Variants in KANK1 observed in about 807,000 individuals in gnomAD.
KANK1 encodes KN motif and ankyrin repeat domain-containing protein 1.
KANK1 carries 109 observed loss-of-function variants against 106.2 expected under a neutral mutation model. The observed-to-expected ratio is 1.03, with a 90% CI of 0.88 to 1.20. KANK1 has a LOEUF of 1.20. Among genes scored for constraint, KANK1 ranks in the 50% most tolerant of loss-of-function variants. The pLI is 0.00. For synonymous variants in KANK1, 873 were observed against 652.2 expected (o/e 1.34, Z -5.16); for missense variants, 2,399 against 1,710.7 (o/e 1.40, Z -7.10).
At chr9:732,892 G>A (rs10429606) in intron 6 of KANK1, 1 of 273,394 alleles carries the variant, frequency 3.7e-6, no homozygotes, top group Admixed American at 4.8e-5. Context: ...ACTAAAACTT[G>A]CATTGTTTGA....
At chr9:667,962 A>G (rs902623182) in intron 1 of KANK1, among the ~76,000 whole-genome samples, 10 of 152,014 alleles carry the variant, frequency 6.6e-5, no homozygotes, top group African/African-American at 1.9e-4. Context: ...AACTCCTGAC[A>G]TCAGATGATC....
chr9:662,018 G>A (rs1340323598), intron 1 of KANK1, among the ~76,000 whole-genome samples: 2 of 152,122 alleles, frequency 1.3e-5, no homozygotes, highest in South Asian at 2.1e-4. Context: ...GTAGAATCTG[G>A]ATATTAGCCC....
chr9:566,981 A>C (rs1391394902), intron 1 of KANK1, among the ~76,000 whole-genome samples: 1 of 152,068 alleles, frequency 6.6e-6, no homozygotes, highest in African/African-American at 2.4e-5. Context: ...TTTGAGTATT[A>C]CATTTAAGTT....
In KANK1 at chr9:529,689, T is replaced by A. The variant is rs2059973435; in HGVS notation, c.-84+24935T>A. On this transcript the variant is annotated intron_variant, in intron 1 of 11. Coordinates refer to ENST00000382297, the MANE Select transcript of KANK1 (RefSeq NM_015158.5). ...AGAGCAGCATAGTATGATTTTAAAC[T>A]CCATATTTTGTTTAATCAGTTTCCT... 1.3e-5 allele frequency among the ~76,000 whole-genome samples: 2 copies of A among 152,242 alleles called. 1 individual carries two copies. Among genetic ancestry groups the A allele is most frequent in the East Asian group, 3.8e-4 (2 of 5,204 alleles).
intron 7 of KANK1, among the ~76,000 whole-genome samples, chr9:737,633 C>T (rs572796942): frequency 1.2e-4 from 19 of 152,240 alleles, no homozygotes; most frequent in South Asian, 4.2e-4. Context: ...TAGTTCCAGA[C>T]GGGGTTCCCT....
At chr9:643,543 A>ATTTTTTTTTT (rs774468238) in intron 1 of KANK1, among the ~76,000 whole-genome samples, 3 of 102,458 alleles carry the variant, frequency 2.9e-5, no homozygotes, top group Non-Finnish European at 5.8e-5. Flanking sequence ...TTTCTTTTTG[A>ATTTTTTTTTT]TTTTTTTTTT....
chr9:514,041 A>C (rs2059149429), intron 1 of KANK1, among the ~76,000 whole-genome samples: 1 of 151,124 alleles, frequency 6.6e-6, no homozygotes, highest in African/African-American at 2.5e-5. Context: ...ATGAAACATA[A>C]ATACTGTATT....
chr9:613,773 C>T (rs7028415), intron 1 of KANK1, among the ~76,000 whole-genome samples: 99,327 of 151,844 alleles, frequency 0.65, 33,748 homozygotes, highest in South Asian at 0.76. Context: ...TCATGAGCCC[C>T]TTAAGTTTTG....
At chr9:724,807 A>T (rs1285109793) in intron 3 of KANK1, among the ~76,000 whole-genome samples, 2 of 152,068 alleles carry the variant, frequency 1.3e-5, no homozygotes, top group Non-Finnish European at 2.9e-5. Context: ...ATCTCAAAAA[A>T]AACAAGAGTG....
At position 577,762 on chromosome 9, in the gene KANK1, G is replaced by C. The variant is rs78755325; in HGVS notation, c.-84+73008G>C. Among the ~76,000 whole-genome samples, 1,038 of 152,282 alleles carry C rather than the reference G, an allele frequency of 6.8e-3. 38 individuals are homozygous for C. Among genetic ancestry groups the C allele is most frequent in the Admixed American group, 0.047 (712 of 15,294 alleles). ...GGCCCAGGAATTTATGTTTCAACAA[G>C]TCTTGCAGGTGATTTTGATTTATGC... On this transcript the variant is annotated intron_variant, in intron 1 of 11. Coordinates refer to ENST00000382297, the MANE Select transcript of KANK1 (RefSeq NM_015158.5).
chr9:527,588 A>C (rs1049263728), intron 1 of KANK1, among the ~76,000 whole-genome samples: 1 of 151,670 alleles, frequency 6.6e-6, no homozygotes, highest in Admixed American at 6.6e-5. Context: ...GGTGTAAGCC[A>C]CTACACTCGG....
chr9:541,377 C>T (rs1042559806), intron 1 of KANK1, among the ~76,000 whole-genome samples: 9 of 152,080 alleles, frequency 5.9e-5, no homozygotes, highest in Non-Finnish European at 7.4e-5. Flanking sequence ...CATCCACATA[C>T]AGAAAAATTA....
intron 1 of KANK1, among the ~76,000 whole-genome samples, chr9:595,129 G>A (rs1253180217): frequency 2.6e-5 from 4 of 151,806 alleles, no homozygotes; most frequent in East Asian, 1.9e-4. Context: ...AAAATGCAAC[G>A]ATGGCCCGGC....
chr9:565,073 C>A (rs963108341), intron 1 of KANK1, among the ~76,000 whole-genome samples: 2 of 152,196 alleles, frequency 1.3e-5, no homozygotes, highest in African/African-American at 4.8e-5. Flanking sequence ...CAAAGTGTGA[C>A]TTTAGAAACA....
In KANK1 at chr9:558,170, G is replaced by C. The variant is rs114735518; in HGVS notation, c.-84+53416G>C. Among the ~76,000 whole-genome samples, 4 of 152,280 alleles carry C rather than the reference G, an allele frequency of 2.6e-5. No individual in the cohort carries two copies. In the East Asian group the frequency reaches 7.7e-4, roughly 29 times the overall value. ...AAAATTTTGGAAGGGCATTAAGGAGGAGCATAGCAAAGAAGTCTAGACCTA... is the reference window on the plus strand; with the variant it reads ...AAAATTTTGGAAGGGCATTAAGGAGCAGCATAGCAAAGAAGTCTAGACCTA... On this transcript the variant is annotated intron_variant, in intron 1 of 11. Transcript: ENST00000382297.
At chr9:510,885 T>A (rs1353417654) in intron 1 of KANK1, among the ~76,000 whole-genome samples, 1 of 152,148 alleles carries the variant, frequency 6.6e-6, no homozygotes, top group East Asian at 1.9e-4. Flanking sequence ...CAGTGATAAT[T>A]TCTCTAAGAT....
Position 711,451 on chromosome 9 carries a change from G to T in KANK1, c.685G>T (p.Ala229Ser). Residue 229 changes from alanine to serine, a missense_variant, in exon 3 of 12, where the codon GCT becomes TCT. Physicochemically the swap from Ala to Ser is moderately conservative, Grantham distance 99. Coordinates refer to ENST00000382297, the MANE Select transcript of KANK1 (RefSeq NM_015158.5). ...NGDYGSYAPA[A>S]PTTSSMGSSI... ...GGATTATGGTAGCTATGCCCCAGCT[G>T]CTCCCACCACTTCCTCCATGGGGAG... 5 of 1,614,144 alleles carry T rather than the reference G, an allele frequency of 3.1e-6. No individual in the cohort carries two copies. Among genetic ancestry groups the T allele is most frequent in the Non-Finnish European group, 4.2e-6 (5 of 1,180,032 alleles).
In KANK1 at chr9:711,471, G is replaced by A. The variant is rs1378349282; in HGVS notation, c.705G>A (p.Met235Ile). The A allele has an allele frequency of 2.5e-6, 4 of 1,614,012 alleles. No homozygotes were observed. The highest frequency in any genetic ancestry group is 3.4e-6 in the Non-Finnish European group (4 of 1,180,032). Residue 235 changes from methionine (M) to isoleucine (I), a missense_variant, in exon 3 of 12, where the codon ATG becomes ATA. Transcript: ENST00000382297. ...YAPAAPTTSSMGSSIRHSPLS... is the reference protein window; with the variant it reads ...YAPAAPTTSSIGSSIRHSPLS... Reference sequence around the variant, plus strand: ...CAGCTGCTCCCACCACTTCCTCCATGGGGAGCTCCATCCGCCACAGCCCCC... The same window carrying A: ...CAGCTGCTCCCACCACTTCCTCCATAGGGAGCTCCATCCGCCACAGCCCCC...
chr9:589,267 C>G (rs1392267093), intron 1 of KANK1, among the ~76,000 whole-genome samples: 2 of 152,160 alleles, frequency 1.3e-5, no homozygotes, highest in Admixed American at 1.3e-4. Flanking sequence ...GATTAAGTGG[C>G]TTGCTCACTG....
Sources: gnomAD v4.1 joint callset for allele counts (sites outside exome capture counted in the v4.1 genomes callset) on GRCh38, gnomAD v4.1.1 for gene constraint, MANE v1.5 for transcripts, NCBI Gene and HGNC (gene_info 2026-07-23, HGNC 2026-07-21) for gene names.